GOLGA6L1: variants seen among roughly 807,000 people sequenced by gnomAD.
The protein encoded by GOLGA6L1 is golgin subfamily A member 6-like protein 1.
GOLGA6L1 carries 2 observed loss-of-function variants against 23.6 expected under a neutral mutation model. The observed-to-expected ratio is 0.08, with a 90% CI of 0.03 to 0.27. GOLGA6L1 has a LOEUF of 0.27. Ranked by LOEUF, GOLGA6L1 falls within the 10% of genes least tolerant of loss-of-function variation. The pLI is 1.00. For synonymous variants in GOLGA6L1, 4 were observed against 49.8 expected, an observed-to-expected ratio of 0.08 and a Z score of 3.87; for missense variants, 15 against 172.9, an observed-to-expected ratio of 0.09 and a Z score of 5.12.
At chr15:23,134,983 CT>C in intron 1 of GOLGA6L1, 96 bp from the exon 2 acceptor site, 1 of 173,956 alleles carries the variant, frequency 5.7e-6, no homozygotes. Flanking sequence ...TATAGACCAT[CT>C]GATTTAATGC....
intron 5 of GOLGA6L1, among the ~76,000 whole-genome samples, chr15:23,132,433 A>ATATTGT (rs1246841478): frequency 9.6e-4 from 141 of 147,608 alleles, no homozygotes; most frequent in Middle Eastern, 6.9e-3. Context: ...CGATCAGATA[A>ATATTGT]TATTGTTATT....
Position 23,129,897 on chromosome 15 carries a change from C to T in GOLGA6L1, c.1556G>A (p.Trp519Ter). 1 of 919,380 alleles carries T rather than the reference C, an allele frequency of 1.1e-6. No individual in the cohort carries two copies. Among genetic ancestry groups the T allele is most frequent in the Non-Finnish European group, 1.7e-6 (1 of 586,818 alleles). The allele number at this position is 919,380 out of a possible 1,614,324, so 57.0% of individuals were successfully genotyped here. A position where few individuals can be genotyped will look rare whatever the true frequency, so the allele number is the denominator to read the frequency against. ...CTCCCTTATCTTCTCCTCCTGCCTC[C>T]ACATCTTCTCCTCCTGCTCCCGTAT... ...EKIREQEEKM[W>*]RQEEKIREQE... The change falls in exon 8 of 9, where the codon TGG (tryptophan) becomes TAG (stop). Residue 519 changes from tryptophan to a stop codon, truncating the protein, a stop_gained. Coordinates refer to ENST00000614055, the MANE Select transcript of GOLGA6L1 (RefSeq NM_001001413.3). LOFTEE classifies it high-confidence loss of function.
Position 23,130,366 on chromosome 15 carries a change from C to T in GOLGA6L1, c.1087G>A (p.Glu363Lys), listed in dbSNP as rs2140910987. 4.9e-6 allele frequency: 1 copy of T among 202,176 alleles called. No homozygotes were observed. Among genetic ancestry groups the T allele is most frequent in the Non-Finnish European group, 8.0e-6 (1 of 124,398 alleles). 12.5% of individuals were successfully genotyped at this position (202,176 alleles called of 1,614,324 possible). ...ATCTCCTCCAGCCTCCGCATCTTCTCCTCCTTCTCCCACATCATCTCCTCC... is the reference window on the plus strand; with the variant it reads ...ATCTCCTCCAGCCTCCGCATCTTCTTCTCCTTCTCCCACATCATCTCCTCC... ...RQEEMMWEKE[E>K]KMRRLEEMMW... is the part of the protein sequence containing the mutation. The change falls in exon 8 of 9, where the codon GAG (glutamate) becomes AAG (lysine). Residue 363 changes from glutamate (E) to lysine (K), a missense_variant. Physicochemically the swap from Glu to Lys is moderately conservative, Grantham distance 56. Around this residue, in one of 2 missense-constraint regions of GOLGA6L1, gnomAD observed 15 missense variants for 120.2 expected, o/e 0.12. Coordinates refer to ENST00000614055, the MANE Select transcript of GOLGA6L1 (RefSeq NM_001001413.3).
intron 5 of GOLGA6L1, among the ~76,000 whole-genome samples, chr15:23,132,887 C>A: frequency 6.9e-6 from 1 of 144,770 alleles, no homozygotes; most frequent in East Asian, 2.1e-4. Context: ...TATACACCTG[C>A]CCCCTCTCTC....
chr15:23,132,673 G>A (rs1312167182), intron 5 of GOLGA6L1, among the ~76,000 whole-genome samples: 4 of 147,026 alleles, frequency 2.7e-5, no homozygotes, highest in East Asian at 4.1e-4. Context: ...CCATTCTTCC[G>A]CTGGAGGTAG....
chr15:23,131,030 C>CAAATAAATAAAT (rs537318406), intron 7 of GOLGA6L1, among the ~76,000 whole-genome samples: 1 of 135,926 alleles, frequency 7.4e-6, no homozygotes, highest in Non-Finnish European at 1.6e-5. Flanking sequence ...GACTACTTCT[C>CAAATAAATAAAT]AAATAAATAA....
intron 7 of GOLGA6L1, among the ~76,000 whole-genome samples, chr15:23,131,076 CTATAAAATAATGGTTTTCATCCATGA>C (rs2068223139): frequency 7.2e-6 from 1 of 139,032 alleles, no homozygotes; most frequent in Non-Finnish European, 1.6e-5. Context: ...TAAATGTAAT[CTATAAAATAATGGTTTTCATCCATGA>C]TCCTTTAAAA....
Position 23,129,660 on chromosome 15 carries a change from TCC to T in GOLGA6L1, c.1791_1792del (p.Glu598GlyfsTer26). On this transcript the variant is annotated frameshift_variant, in exon 8 of 9. Coordinates refer to ENST00000614055, the MANE Select transcript of GOLGA6L1 (RefSeq NM_001001413.3). LOFTEE classifies it high-confidence loss of function. ...CTCCTCCTGCTCTCGTATCTTCTCCTCCTGCTCCCATATCTTCTCCTCCTGCT... is the reference window on the plus strand; with the variant it reads ...CTCCTCCTGCTCTCGTATCTTCTCCTTGCTCCCATATCTTCTCCTCCTGCT... 132 of 629,198 alleles carry T rather than the reference TCC, an allele frequency of 2.1e-4. No individual in the cohort carries two copies. Among genetic ancestry groups the T allele is most frequent in the Non-Finnish European group, 2.7e-4 (97 of 358,940 alleles). The allele number at this position is 629,198 out of a possible 1,614,324, so 39.0% of individuals were successfully genotyped here.
intron 7 of GOLGA6L1, among the ~76,000 whole-genome samples, chr15:23,131,016 G>C (rs1277902291): frequency 1.5e-4 from 20 of 135,934 alleles, no homozygotes; most frequent in Non-Finnish European, 2.7e-4. Context: ...GGGTGACAGA[G>C]TGAGACTACT....
Position 23,127,584 on chromosome 15 carries a change from T to TA in GOLGA6L1, c.*1205dup, listed in dbSNP as rs1241067635. Among the ~76,000 whole-genome samples, 15 of 148,196 alleles carry TA rather than the reference T, an allele frequency of 1.0e-4. No individual in the cohort carries two copies. The highest frequency in any genetic ancestry group is 2.2e-4 in the South Asian group (1 of 4,600). ...TGACATCCTGCCTCTATTAAAGGTA[T>TA]AAAAAAAAATTAGCCAGGCATGGTG... is the stretch of plus-strand genomic sequence containing the variant. On this transcript the variant is annotated 3_prime_UTR_variant, in exon 9 of 9. Transcript: ENST00000614055.
At chr15:23,131,028 C>T (rs2068222346) in intron 7 of GOLGA6L1, among the ~76,000 whole-genome samples, 1 of 136,742 alleles carries the variant, frequency 7.3e-6, no homozygotes, top group African/African-American at 2.6e-5. Flanking sequence ...GAGACTACTT[C>T]TCAAATAAAT....
intron 7 of GOLGA6L1, among the ~76,000 whole-genome samples, chr15:23,130,901 G>A (rs1212653317): frequency 5.3e-5 from 3 of 56,810 alleles, no homozygotes; most frequent in Non-Finnish European, 1.1e-4. Flanking sequence ...TGTGGTGGTG[G>A]GCACCTGTAG....
At chr15:23,135,454 C>CA (rs1471925568) in intron 1 of GOLGA6L1, among the ~76,000 whole-genome samples, 1 of 34,604 alleles carries the variant, frequency 2.9e-5, no homozygotes, top group African/African-American at 9.0e-5. Flanking sequence ...ACTGATGCTT[C>CA]AGAAAGATGC....
chr15:23,129,658 C>A lies in GOLGA6L1; in HGVS notation c.1795G>T (p.Glu599Ter). The stretch of plus-strand genomic sequence containing the variant: ...ATCTCCTCCTGCTCTCGTATCTTCT[C>A]CTCCTGCTCCCATATCTTCTCCTCC... Reference protein sequence around the residue: ...EQEEKIWEQEEKIREQEEMMQ... With the variant: ...EQEEKIWEQE The change falls in exon 8 of 9, where the codon GAG (glutamate) becomes TAG (stop). Residue 599 changes from glutamate (E) to a stop codon, truncating the protein, a stop_gained. Coordinates refer to ENST00000614055, the MANE Select transcript of GOLGA6L1 (RefSeq NM_001001413.3). LOFTEE classifies it high-confidence loss of function. 1.6e-6 allele frequency: 1 copy of A among 624,740 alleles called. No homozygotes were observed. The highest frequency in any genetic ancestry group is 2.8e-6 in the Non-Finnish European group (1 of 355,832). The allele number at this position is 624,740 out of a possible 1,614,324, so 38.7% of individuals were successfully genotyped here.
At chr15:23,131,087 T>A in intron 7 of GOLGA6L1, among the ~76,000 whole-genome samples, 1 of 136,560 alleles carries the variant, frequency 7.3e-6, no homozygotes, top group South Asian at 2.3e-4. Context: ...TATAAAATAA[T>A]GGTTTTCATC....
At chr15:23,132,905 A>G (rs1181449013) in intron 5 of GOLGA6L1, among the ~76,000 whole-genome samples, 1 of 147,722 alleles carries the variant, frequency 6.8e-6, no homozygotes, top group Non-Finnish European at 1.5e-5. Flanking sequence ...CTCCACACAA[A>G]TAATAACATA....
chr15:23,129,404 T>TC, intron 8 of GOLGA6L1, 66 bp downstream of exon 8: 1 of 1,114,514 alleles, frequency 9.0e-7, no homozygotes, highest in Non-Finnish European at 1.3e-6. Context: ...CTCCGCCTGC[T>TC]CCCCCCAAGA....
chr15:23,132,574 T>A (rs2068235867), intron 5 of GOLGA6L1, among the ~76,000 whole-genome samples: 1 of 149,166 alleles, frequency 6.7e-6, no homozygotes, highest in Non-Finnish European at 1.5e-5. Context: ...ATTGTGTAGA[T>A]GAAAAACATG....
rs1241067635 is a variant in GOLGA6L1, at chr15:23,127,584, TA to T, written c.*1205del. ...TGACATCCTGCCTCTATTAAAGGTA[TA>T]AAAAAAAATTAGCCAGGCATGGTGG... On this transcript the variant is annotated 3_prime_UTR_variant, in exon 9 of 9. Transcript: ENST00000614055. Among the ~76,000 whole-genome samples the T allele has an allele frequency of 1.4e-5, 2 of 148,102 alleles. No individual in the cohort carries two copies. The highest frequency in any genetic ancestry group is 3.0e-5 in the Non-Finnish European group (2 of 66,464).
Sources: allele counts gnomAD v4.1 joint callset (sites outside exome capture counted in the v4.1 genomes callset), GRCh38; gene constraint gnomAD v4.1.1; regional missense constraint gnomAD v4.1.1; transcripts MANE v1.5; gene names NCBI Gene and HGNC (gene_info 2026-07-23, HGNC 2026-07-21).